BIRC3: variants seen among roughly 807,000 people sequenced by gnomAD.
The protein encoded by BIRC3 is baculoviral IAP repeat-containing protein 3.
Under a neutral mutation model 59.0 loss-of-function variants are expected in BIRC3, and 26 were observed. The ratio of observed to expected loss-of-function variants is 0.44; its 90% CI spans 0.32 to 0.61. The LOEUF (loss-of-function observed/expected upper bound fraction) is 0.61. Ranked by LOEUF, BIRC3 falls within the 20% of genes least tolerant of loss-of-function variation. The pLI, the probability that BIRC3 is intolerant of heterozygous loss-of-function variation, is 0.04. For missense variants in BIRC3, 641 were observed against 711.5 expected (o/e 0.90, Z 1.13); for synonymous variants, 243 against 249.2 (o/e 0.98, Z 0.24).
rs1473044401 is a variant in BIRC3, at chr11:102,336,182, T to G, written c.1541T>G (p.Leu514Arg). The G allele has an allele frequency of 6.2e-7, 1 of 1,613,066 alleles. No homozygotes were observed. Among genetic ancestry groups the G allele is most frequent in the Non-Finnish European group, 8.5e-7 (1 of 1,179,618 alleles). Reference sequence around the variant, plus strand: ...GCAGCCACTGTATTCAGAAACTCTCTGCAAGAAGCTGAAGCTGTGTTATAT... The same window carrying G: ...GCAGCCACTGTATTCAGAAACTCTCGGCAAGAAGCTGAAGCTGTGTTATAT... ...NIAATVFRNS[L>R]QEAEAVLYEH... The change falls in exon 7 of 9, where the codon CTG (leucine) becomes CGG (arginine). Residue 514 changes from leucine to arginine, a missense_variant. Leu to Arg is a moderately radical substitution (Grantham distance 102, BLOSUM62 -2). This residue lies in a region of BIRC3 where 268 missense variants were observed against 255.7 expected (regional missense o/e 1.05). Coordinates refer to ENST00000263464, the MANE Select transcript of BIRC3 (RefSeq NM_001165.5).
Position 102,323,225 on chromosome 11 carries a change from A to AT in BIRC3, c.-1281dup, listed in dbSNP as rs1311485243. The AT allele has an allele frequency of 5.1e-6, 1 of 197,702 alleles. No homozygotes were observed. Among genetic ancestry groups the AT allele is most frequent in the Non-Finnish European group, 1.0e-5 (1 of 95,492 alleles). 12.2% of individuals were successfully genotyped at this position (197,702 alleles called of 1,614,324 possible). ...AAATTTAAAATCTTTGAAAGGTCTT[A>AT]TTTTACAGCCATATCTAAATTATCT... On this transcript the variant is annotated 5_prime_UTR_variant, in exon 2 of 9. Transcript: ENST00000263464.
At position 102,338,208 on chromosome 11, in the gene BIRC3, T is replaced by C. The variant is rs1346980378; in HGVS notation, c.*1106T>C. ...TCATAACTCTGTCCTTTGCTTCTTA[T>C]AGAGGTATTAGGTCTTCAAGAGCAG... On this transcript the variant is annotated 3_prime_UTR_variant, in exon 9 of 9. Coordinates refer to ENST00000263464, the MANE Select transcript of BIRC3 (RefSeq NM_001165.5). The C allele has an allele frequency of 4.4e-6, 1 of 226,806 alleles. No individual in the cohort carries two copies. Among genetic ancestry groups the C allele is most frequent in the Non-Finnish European group, 8.8e-6 (1 of 114,068 alleles). 14.0% of individuals were successfully genotyped at this position (226,806 alleles called of 1,614,324 possible).
intron 8 of BIRC3, 36 bp from the exon 9 acceptor site, chr11:102,336,873 A>G (rs1184504318): frequency 6.3e-7 from 1 of 1,590,890 alleles, no homozygotes; most frequent in African/African-American, 1.4e-5. Context: ...TGAAGAAGCA[A>G]ACTGCCTTTT....
chr11:102,329,431 G>A (rs1234642648), intron 5 of BIRC3, among the ~76,000 whole-genome samples: 1 of 152,116 alleles, frequency 6.6e-6, no homozygotes, highest in Non-Finnish European at 1.5e-5. Context: ...ATTTGTACAA[G>A]CCCCTCTACT....
Position 102,336,941 on chromosome 11 carries a change from C to A in BIRC3, c.1654C>A (p.Gln552Lys), listed in dbSNP as rs1295346849. ...AGTGGAAGAACAATTGCGGAGACTA[C>A]AAGAAGAAAGAACATGTAAAGTGTG... ...LPVEEQLRRLQEERTCKVCMD... is the reference protein window; with the variant it reads ...LPVEEQLRRLKEERTCKVCMD... The change falls in exon 9 of 9, where the codon CAA (glutamine) becomes AAA (lysine). Residue 552 changes from glutamine to lysine, a missense_variant. Gln to Lys is a moderately conservative substitution (Grantham distance 53, BLOSUM62 1). Transcript: ENST00000263464. 10 of 1,602,904 alleles carry A rather than the reference C, an allele frequency of 6.2e-6. No homozygotes were observed. Among genetic ancestry groups the A allele is most frequent in the South Asian group, 1.1e-5 (1 of 87,634 alleles).
In BIRC3 at chr11:102,337,621, A is replaced by G. The variant is rs532963820; in HGVS notation, c.*519A>G. ...ACACATTTCTCTGTCTTTTTTGATC[A>G]GTGTCCTATACATCGAAGGTGTGCA... On this transcript the variant is annotated 3_prime_UTR_variant, in exon 9 of 9. Transcript: ENST00000263464. 4.2e-5 allele frequency: 15 copies of G among 356,358 alleles called. No individual in the cohort carries two copies. The highest frequency in any genetic ancestry group is 3.0e-4 in the South Asian group (2 of 6,640). 22.1% of individuals were successfully genotyped at this position (356,358 alleles called of 1,614,324 possible).
At chr11:102,336,461 T>C in intron 7 of BIRC3, 1 of 565,360 alleles carries the variant, frequency 1.8e-6, no homozygotes. Flanking sequence ...TTTGTGATGG[T>C]GTATGCCTGG....
chr11:102,320,778 G>T (rs1203228295), intron 1 of BIRC3, among the ~76,000 whole-genome samples: 1 of 152,234 alleles, frequency 6.6e-6, no homozygotes, highest in Non-Finnish European at 1.5e-5. Flanking sequence ...AATAGTGCCA[G>T]TTCAATGACA....
chr11:102,327,923 T>A, intron 3 of BIRC3, 129 bp from the exon 4 acceptor site: 1 of 645,620 alleles, frequency 1.5e-6, no homozygotes, highest in East Asian at 3.0e-5. Flanking sequence ...TCTTAAATGA[T>A]TCTGTGATTT....
At chr11:102,319,431 G>A (rs1565320053) in intron 1 of BIRC3, among the ~76,000 whole-genome samples, 1 of 152,180 alleles carries the variant, frequency 6.6e-6, no homozygotes, top group South Asian at 2.1e-4. Context: ...CCAGTCGAGA[G>A]TGACAGGAAT....
intron 1 of BIRC3, among the ~76,000 whole-genome samples, chr11:102,319,219 A>G (rs1951006077): frequency 6.7e-6 from 1 of 150,142 alleles, no homozygotes; most frequent in Admixed American, 6.6e-5. Flanking sequence ...AATTTTTTGT[A>G]TTTTTTTTAG....
intron 6 of BIRC3, among the ~76,000 whole-genome samples, chr11:102,332,088 T>C (rs1483740731): frequency 6.6e-6 from 1 of 152,248 alleles, no homozygotes; most frequent in Non-Finnish European, 1.5e-5. Context: ...CAAGTCCTAG[T>C]ATACTGTTTC....
rs560164112 is a variant in BIRC3, at chr11:102,328,127, A to G, written c.1029A>G (p.Glu343=). Residue 343 remains glutamate, a synonymous_variant, in exon 4 of 9, where the codon GAA becomes GAG. Transcript: ENST00000263464. ...QVQASYPHLL[E]QLLSTSDSPG... ...AAGCCAGTTACCCTCATCTACTTGA[A>G]CAGGTAGGGCAAGTTCTTTTTTTAA... The G allele has an allele frequency of 5.2e-5, 83 of 1,606,980 alleles. 1 individual carries two copies. The South Asian group carries it at 8.5e-4, about 16-fold the overall frequency.
At chr11:102,318,101 A>C (rs971042003) in intron 1 of BIRC3, among the ~76,000 whole-genome samples, 2 of 152,324 alleles carry the variant, frequency 1.3e-5, no homozygotes, top group East Asian at 1.9e-4. Context: ...ACGTAACAAT[A>C]ATATTAAATA....
Position 102,328,910 on chromosome 11 carries a change from C to A in BIRC3, c.1046C>A (p.Ser349Ter). Residue 349 changes from serine to a stop codon, truncating the protein, a stop_gained, in exon 5 of 9, where the codon TCA (serine) becomes TAA (stop). Transcript: ENST00000263464. LOFTEE classifies it high-confidence loss of function. ...TTTTTTCTGCAGCTGCTATCCACAT[C>A]AGACAGCCCAGGAGATGAAAATGCA... ...PHLLEQLLST[S>*]DSPGDENAES... 1 of 1,374,100 alleles carries A rather than the reference C, an allele frequency of 7.3e-7. No homozygotes were observed. Among genetic ancestry groups the A allele is most frequent in the Non-Finnish European group, 9.5e-7 (1 of 1,055,366 alleles). 85.1% of individuals were successfully genotyped at this position (1,374,100 alleles called of 1,614,324 possible). A position where few individuals can be genotyped will look rare whatever the true frequency, so the allele number is the denominator to read the frequency against.
At chr11:102,318,441 C>A (rs140929277) in intron 1 of BIRC3, among the ~76,000 whole-genome samples, 26 of 152,350 alleles carry the variant, frequency 1.7e-4, no homozygotes, top group African/African-American at 6.0e-4. Flanking sequence ...AGGTCTCAGT[C>A]ATTTACTTCT....
chr11:102,325,631 C>A, intron 3 of BIRC3, 66 bp downstream of exon 3: 1 of 1,433,386 alleles, frequency 7.0e-7, no homozygotes, highest in Non-Finnish European at 9.7e-7. Context: ...TATGTGTTCA[C>A]CTGAAATCAG....
chr11:102,325,613 A>AT (rs1951073863), intron 3 of BIRC3, 48 bp downstream of exon 3: 1 of 1,547,028 alleles, frequency 6.5e-7, no homozygotes, highest in Non-Finnish European at 8.9e-7. Flanking sequence ...TTATCATGAG[A>AT]TTGCTTATAT....
In BIRC3 at chr11:102,331,017, GAGA is replaced by G; in HGVS notation, c.1104_1106del (p.Glu368del). ...CATATAGTTATCCATTTTGAACCTG[GAGA>G]AGACCATTCAGAAGATGCAATCATG... On this transcript the variant is annotated inframe_deletion, in exon 6 of 9. Coordinates refer to ENST00000263464, the MANE Select transcript of BIRC3 (RefSeq NM_001165.5). 3 of 1,613,098 alleles carry G rather than the reference GAGA, an allele frequency of 1.9e-6. No individual in the cohort carries two copies. The highest frequency in any genetic ancestry group is 2.5e-6 in the Non-Finnish European group (3 of 1,179,608).
Sources: gnomAD v4.1 joint callset for allele counts (sites outside exome capture counted in the v4.1 genomes callset) on GRCh38, gnomAD v4.1.1 for gene constraint, gnomAD v4.1.1 regional missense constraint, MANE v1.5 for transcripts, NCBI Gene and HGNC (gene_info 2026-07-23, HGNC 2026-07-21) for gene names.